The following CCSER1 variants were observed in gnomAD, a reference collection of about 807,000 sequenced individuals.
CCSER1 encodes the protein coiled-coil serine rich protein 1, also known as serine-rich coiled-coil domain-containing protein 1.
A neutral mutation model predicts 82.0 loss-of-function variants in CCSER1; 41 were observed. That is an observed-to-expected ratio of 0.50 (90% confidence interval 0.39 to 0.65). The LOEUF is 0.65. Ranked by LOEUF, CCSER1 falls within the 30% of genes least tolerant of loss-of-function variation. The probability of loss-of-function intolerance (pLI) is 0.00; values close to 1 mark genes in which losing one functional copy is unlikely to be tolerated. For missense variants in CCSER1, 1,119 were observed against 1,064.2 expected, an observed-to-expected ratio of 1.05 and a Z score of -0.72; for synonymous variants, 414 against 383.9, an observed-to-expected ratio of 1.08 and a Z score of -0.92.
chr4:91,220,395 T>C (rs560135509), intron 10 of CCSER1, among the ~76,000 whole-genome samples: 38 of 152,348 alleles, frequency 2.5e-4, no homozygotes, highest in Non-Finnish European at 4.4e-4. Flanking sequence ...ATCATATAGT[T>C]AATGGAACAT....
intron 10 of CCSER1, among the ~76,000 whole-genome samples, chr4:91,233,812 T>A (rs1301861873): frequency 6.6e-6 from 1 of 151,904 alleles, no homozygotes; most frequent in Non-Finnish European, 1.5e-5. Flanking sequence ...GATTTTTTTT[T>A]AACCTTCCTT....
intron 5 of CCSER1, among the ~76,000 whole-genome samples, chr4:90,507,793 C>A (rs1327353663): frequency 6.6e-6 from 1 of 152,050 alleles, no homozygotes; most frequent in Non-Finnish European, 1.5e-5. Flanking sequence ...TCGATGATTA[C>A]TTTGAATTCT....
intron 4 of CCSER1, among the ~76,000 whole-genome samples, chr4:90,454,132 C>T (rs1333297911): frequency 1.3e-5 from 2 of 152,074 alleles, no homozygotes; most frequent in Non-Finnish European, 2.9e-5. Context: ...CTTGGCTTGC[C>T]ACATTTGTAG....
At chr4:91,428,827 T>C (rs899332716) in intron 10 of CCSER1, among the ~76,000 whole-genome samples, 1 of 152,076 alleles carries the variant, frequency 6.6e-6, no homozygotes, top group Admixed American at 6.5e-5. Context: ...GAATGAAAAG[T>C]ACTTTATTAA....
chr4:90,226,413 G>A (rs1401731429), intron 1 of CCSER1, among the ~76,000 whole-genome samples: 1 of 152,160 alleles, frequency 6.6e-6, no homozygotes, highest in East Asian at 1.9e-4. Context: ...AAGATACTGG[G>A]CCCTCAGGCA....
chr4:90,675,347 C>T (rs1419446978), intron 6 of CCSER1, among the ~76,000 whole-genome samples: 1 of 151,402 alleles, frequency 6.6e-6, no homozygotes, highest in Non-Finnish European at 1.5e-5. Context: ...AGAGAGTGTG[C>T]TTTGTAAGGA....
intron 4 of CCSER1, among the ~76,000 whole-genome samples, chr4:90,427,976 G>T (rs1757758736): frequency 6.6e-6 from 1 of 151,702 alleles, no homozygotes; most frequent in Non-Finnish European, 1.5e-5. Context: ...TTTTATTATT[G>T]ATGGGTCCTG....
At position 90,228,351 on chromosome 4, in the gene CCSER1, C is replaced by A. The variant is rs542573280; in HGVS notation, c.-41-79893C>A. ...AGCAGCCTAACTGGGAGGCACCCCC[C>A]AGCAGGGGCAGACTGACACCTCACA... On this transcript the variant is annotated intron_variant, in intron 1 of 10. Transcript: ENST00000509176. 2.0e-4 allele frequency among the ~76,000 whole-genome samples: 30 copies of A among 152,292 alleles called. No individual in the cohort carries two copies. The East Asian group carries it at 3.7e-3, about 19-fold the overall frequency.
At chr4:91,253,431 G>A (rs1436413253) in intron 10 of CCSER1, among the ~76,000 whole-genome samples, 6 of 152,006 alleles carry the variant, frequency 3.9e-5, no homozygotes, top group Non-Finnish European at 7.4e-5. Context: ...TCAACTGTGT[G>A]GGGTTCAGCA....
At chr4:91,274,095 C>T (rs559443323) in intron 10 of CCSER1, among the ~76,000 whole-genome samples, 3 of 152,196 alleles carry the variant, frequency 2.0e-5, no homozygotes, top group African/African-American at 7.2e-5. Flanking sequence ...TAAATGAGCA[C>T]TTTGGTAATA....
At chr4:90,659,030 G>T (rs1730251643) in intron 6 of CCSER1, among the ~76,000 whole-genome samples, 1 of 149,918 alleles carries the variant, frequency 6.7e-6, no homozygotes, top group Admixed American at 6.6e-5. Flanking sequence ...AAAGTGGTGT[G>T]TGCAGTTCAT....
chr4:90,455,643 T>C lies in CCSER1; in HGVS notation c.1604-12591T>C, dbSNP rs561495047. ...ACCTTATATCCCTAAATCCCCGTGATCTTTGCAGGTGTTGACCATGTGTGC... is the reference window on the plus strand; with the variant it reads ...ACCTTATATCCCTAAATCCCCGTGACCTTTGCAGGTGTTGACCATGTGTGC... On this transcript the variant is annotated intron_variant, in intron 4 of 10. Transcript: ENST00000509176. 3.9e-5 allele frequency among the ~76,000 whole-genome samples: 6 copies of C among 152,316 alleles called. No individual in the cohort carries two copies. The East Asian group carries it at 1.2e-3, about 29-fold the overall frequency.
chr4:90,684,981 C>G (rs1226626562), intron 6 of CCSER1, among the ~76,000 whole-genome samples: 1 of 152,130 alleles, frequency 6.6e-6, no homozygotes, highest in Non-Finnish European at 1.5e-5. Context: ...ATAAATTACC[C>G]AGTCTCGGGT....
intron 9 of CCSER1, among the ~76,000 whole-genome samples, chr4:91,078,518 C>G (rs1045041022): frequency 1.3e-5 from 2 of 152,238 alleles, no homozygotes; most frequent in African/African-American, 2.4e-5. Context: ...TCAAAAGCCT[C>G]TTCTCCTCCA....
At chr4:90,211,616 T>C (rs538631003) in intron 1 of CCSER1, among the ~76,000 whole-genome samples, 14 of 152,334 alleles carry the variant, frequency 9.2e-5, no homozygotes, top group African/African-American at 3.1e-4. Context: ...GCTGGTGGGA[T>C]GTAGTATTCT....
intron 6 of CCSER1, among the ~76,000 whole-genome samples, chr4:90,695,064 T>A (rs929374350): frequency 5.4e-5 from 8 of 148,104 alleles, no homozygotes; most frequent in Non-Finnish European, 1.0e-4. Context: ...TTATTTATAT[T>A]TATATATATA....
At chr4:90,581,694 CAA>C (rs1781431289) in intron 5 of CCSER1, among the ~76,000 whole-genome samples, 1 of 152,098 alleles carries the variant, frequency 6.6e-6, no homozygotes, top group Non-Finnish European at 1.5e-5. Flanking sequence ...TGACTCTGAT[CAA>C]AGTGTTTACC....
intron 3 of CCSER1, among the ~76,000 whole-genome samples, chr4:90,329,911 T>C (rs1292051591): frequency 1.3e-5 from 2 of 152,186 alleles, no homozygotes; most frequent in Non-Finnish European, 1.5e-5. Flanking sequence ...TGACTACTTA[T>C]GTAACTTATA....
chr4:91,509,211 T>C (rs752639790), intron 10 of CCSER1, among the ~76,000 whole-genome samples: 1 of 151,938 alleles, frequency 6.6e-6, no homozygotes, highest in Non-Finnish European at 1.5e-5. Context: ...TATTTTCCTC[T>C]TTAGGATAGA....
Sources: gnomAD v4.1 joint callset for allele counts (sites outside exome capture counted in the v4.1 genomes callset) on GRCh38, gnomAD v4.1.1 for gene constraint, MANE v1.5 for transcripts, NCBI Gene and HGNC (gene_info 2026-07-23, HGNC 2026-07-21) for gene names.